Variants in NDST4 observed in about 807,000 individuals in gnomAD.
NDST4 encodes the protein N-deacetylase and N-sulfotransferase 4.
A neutral mutation model predicts 100.8 loss-of-function variants in NDST4; 63 were observed. That is an observed-to-expected ratio of 0.62 (90% CI 0.51 to 0.77). The LOEUF (loss-of-function observed/expected upper bound fraction) is 0.77, where lower values mean the gene tolerates loss of function less well. Ranked by LOEUF, NDST4 falls within the 30% of genes least tolerant of loss-of-function variation. NDST4 has a pLI of 0.00. For missense variants in NDST4, 943 were observed against 1,018.4 expected (o/e 0.93, Z 1.01); for synonymous variants, 377 against 361.8 (o/e 1.04, Z -0.48).
rs1424856080 is a variant in NDST4 at position 114,937,474 on chromosome 4, A to T, written c.1251T>A (p.Tyr417Ter). 6.3e-7 allele frequency: 1 copy of T among 1,594,978 alleles called. No individual in the cohort carries two copies. Among genetic ancestry groups the T allele is most frequent in the Non-Finnish European group, 8.5e-7 (1 of 1,170,374 alleles). ...LEHGIPINMGYAVAPHHSGVY... is the reference protein window; with the variant it reads ...LEHGIPINMG The stretch of plus-strand genomic sequence containing the variant: ...CCCCTGAGTGATGTGGGGCCACAGC[A>T]TAGCCCATGTTGATTGGTATTCCAT... The change falls in exon 5 of 14, where the codon TAT (tyrosine) becomes TAA (stop). Residue 417 changes from tyrosine to a stop codon, truncating the protein, a stop_gained. Transcript: ENST00000264363. LOFTEE classifies it high-confidence loss of function.
At chr4:114,951,226 C>T (rs973316881) in intron 4 of NDST4, among the ~76,000 whole-genome samples, 2 of 152,024 alleles carry the variant, frequency 1.3e-5, no homozygotes, top group African/African-American at 4.8e-5. Flanking sequence ...TTAATTTTTT[C>T]ACTTTTTAAA....
At chr4:115,099,295 A>T (rs1729682676) in intron 1 of NDST4, among the ~76,000 whole-genome samples, 2 of 152,192 alleles carry the variant, frequency 1.3e-5, no homozygotes, top group African/African-American at 4.8e-5. Context: ...GAACAATCCA[A>T]AAAAGAAAGA....
chr4:115,032,319 C>G (rs1030331981), intron 2 of NDST4, among the ~76,000 whole-genome samples: 3 of 152,036 alleles, frequency 2.0e-5, no homozygotes, highest in African/African-American at 7.2e-5. Context: ...TTTATTATCT[C>G]TCTTTTAATT....
At chr4:115,050,517 G>T (rs141399636) in intron 2 of NDST4, among the ~76,000 whole-genome samples, 1 of 151,998 alleles carries the variant, frequency 6.6e-6, no homozygotes, top group East Asian at 1.9e-4. Context: ...AATATTCATG[G>T]TATTTATGGG....
intron 6 of NDST4, among the ~76,000 whole-genome samples, chr4:114,881,869 T>C (rs1025442313): frequency 2.0e-5 from 3 of 152,150 alleles, no homozygotes; most frequent in African/African-American, 7.2e-5. Context: ...ATGTAAATCA[T>C]ACTAAAATAT....
intron 2 of NDST4, among the ~76,000 whole-genome samples, chr4:115,007,615 AGAAG>A (rs2126258906): frequency 1.5e-5 from 1 of 67,528 alleles, no homozygotes; most frequent in South Asian, 7.4e-4. Context: ...ACCAAGAGAT[AGAAG>A]GACTGATGGA....
At chr4:114,947,022 A>G (rs777831271) in intron 4 of NDST4, among the ~76,000 whole-genome samples, 1 of 151,596 alleles carries the variant, frequency 6.6e-6, no homozygotes, top group Non-Finnish European at 1.5e-5. Flanking sequence ...ATCAGCTGAG[A>G]GTAGGGATGA....
chr4:115,047,241 G>T (rs1392818648), intron 2 of NDST4, among the ~76,000 whole-genome samples: 1 of 151,920 alleles, frequency 6.6e-6, no homozygotes, highest in East Asian at 1.9e-4. Context: ...ATAAAAATGA[G>T]TTTTATGTGT....
intron 8 of NDST4, among the ~76,000 whole-genome samples, chr4:114,848,557 A>T (rs977845616): frequency 3.3e-5 from 5 of 152,224 alleles, no homozygotes; most frequent in African/African-American, 1.2e-4. Flanking sequence ...ATTTAATATT[A>T]GCACATGGCC....
At chr4:114,861,946 A>G (rs1723926881) in intron 7 of NDST4, among the ~76,000 whole-genome samples, 1 of 152,124 alleles carries the variant, frequency 6.6e-6, no homozygotes, top group Non-Finnish European at 1.5e-5. Flanking sequence ...GTCAGTACCT[A>G]AAATTATTTT....
chr4:114,934,347 C>T (rs553589775), intron 6 of NDST4, among the ~76,000 whole-genome samples: 62 of 151,942 alleles, frequency 4.1e-4, no homozygotes, highest in African/African-American at 1.4e-3. Flanking sequence ...GTCAGGAGAT[C>T]GAGACCATCC....
intron 1 of NDST4, among the ~76,000 whole-genome samples, chr4:115,089,927 A>G (rs1729482529): frequency 6.6e-6 from 1 of 151,616 alleles, no homozygotes. Flanking sequence ...ATATTGGTAT[A>G]TGTCCCCACA....
intron 10 of NDST4, among the ~76,000 whole-genome samples, chr4:114,844,090 TC>T (rs1723493006): frequency 6.6e-6 from 1 of 152,206 alleles, no homozygotes; most frequent in East Asian, 1.9e-4. Context: ...CACTATGTTC[TC>T]ACCAAATTCT....
At chr4:114,916,142 G>A (rs1261144336) in intron 6 of NDST4, among the ~76,000 whole-genome samples, 1 of 151,964 alleles carries the variant, frequency 6.6e-6, no homozygotes, top group African/African-American at 2.4e-5. Flanking sequence ...TCTAGCAAGG[G>A]GCTGAAGCCA....
chr4:115,088,058 A>C (rs1210562706), intron 1 of NDST4, among the ~76,000 whole-genome samples: 1 of 151,940 alleles, frequency 6.6e-6, no homozygotes, highest in East Asian at 1.9e-4. Context: ...CATCTTTGAA[A>C]TATACATCAT....
intron 2 of NDST4, among the ~76,000 whole-genome samples, chr4:115,066,799 G>A (rs567976): frequency 0.26 from 39,367 of 151,990 alleles, 6,998 homozygotes; most frequent in African/African-American, 0.48. Flanking sequence ...CTATAACAGG[G>A]TATCAAGACC....
intron 6 of NDST4, among the ~76,000 whole-genome samples, chr4:114,896,408 G>A (rs1361407142): frequency 3.3e-5 from 5 of 151,962 alleles, no homozygotes; most frequent in Non-Finnish European, 7.4e-5. Flanking sequence ...TGGATCACGA[G>A]GTCAAGAGAT....
chr4:114,900,900 C>G (rs560186179), intron 6 of NDST4, among the ~76,000 whole-genome samples: 1 of 152,016 alleles, frequency 6.6e-6, no homozygotes, highest in East Asian at 1.9e-4. Context: ...CTTCTTTGAC[C>G]CATGTGTTAT....
intron 8 of NDST4, among the ~76,000 whole-genome samples, chr4:114,850,061 T>A (rs1461959227): frequency 6.6e-6 from 1 of 152,188 alleles, no homozygotes; most frequent in African/African-American, 2.4e-5. Flanking sequence ...TAAAAATACT[T>A]TTTAAGATAA....
Sources: gnomAD v4.1 joint callset for allele counts (sites outside exome capture counted in the v4.1 genomes callset) on GRCh38, gnomAD v4.1.1 for gene constraint, MANE v1.5 for transcripts, NCBI Gene and HGNC (gene_info 2026-07-23, HGNC 2026-07-21) for gene names.